NFATC2: variants seen among roughly 807,000 people sequenced by gnomAD.
The protein encoded by NFATC2 is nuclear factor of activated T-cells, cytoplasmic 2.
In NFATC2, 22 loss-of-function variants were observed where a neutral mutation model predicts 87.3. The ratio of observed to expected loss-of-function variants is 0.25; its 90% CI spans 0.18 to 0.36. The LOEUF (loss-of-function observed/expected upper bound fraction) is 0.36. Ranked by LOEUF, NFATC2 falls within the 10% of genes least tolerant of loss-of-function variation. The pLI is 1.00. For missense variants in NFATC2, 1,149 were observed against 1,259.1 expected, an observed-to-expected ratio of 0.91 and a Z score of 1.32; for synonymous variants, 565 against 542.2, an observed-to-expected ratio of 1.04 and a Z score of -0.58.
intron 9 of NFATC2, among the ~76,000 whole-genome samples, chr20:51,407,316 C>A (rs1247210425): frequency 6.6e-6 from 1 of 152,172 alleles, no homozygotes; most frequent in Non-Finnish European, 1.5e-5. Context: ...CACTTGGCAC[C>A]CCCAGTTTTA....
At chr20:51,547,235 C>T (rs994603817), upstream of NFATC2, among the ~76,000 whole-genome samples, 3 of 151,934 alleles carry the variant, frequency 2.0e-5, no homozygotes, top group Non-Finnish European at 2.9e-5. Context: ...ATAATGGGGG[C>T]GTAGACTACA....
upstream of NFATC2, among the ~76,000 whole-genome samples, chr20:51,546,828 T>G (rs1412471143): frequency 1.3e-5 from 2 of 152,150 alleles, no homozygotes; most frequent in African/African-American, 4.8e-5. Context: ...GAGGCGATGT[T>G]TAAGCTGGGA....
In NFATC2 at chr20:51,523,430, G is replaced by A. The variant is rs1340389038; in HGVS notation, c.811C>T (p.Arg271Cys). ...VALPPGASPQRSRSPSPQPSS... is the reference protein window; with the variant it reads ...VALPPGASPQCSRSPSPQPSS... ...GGCTGCGGCGAGGGGCTCCGGGAGCGCTGGGGTGAGGCTCCGGGCGGCAGG... is the reference window on the plus strand; with the variant it reads ...GGCTGCGGCGAGGGGCTCCGGGAGCACTGGGGTGAGGCTCCGGGCGGCAGG... Residue 271 changes from arginine to cysteine, a missense_variant, in exon 2 of 11, where the codon CGC (arginine) becomes TGC (cysteine). Arg to Cys is a radical substitution (Grantham distance 180, BLOSUM62 -3). Transcript: ENST00000371564. This position sits in a 1 kb window ranked among gnomAD's most constrained non-coding sequence, Gnocchi z 6.9. The A allele has an allele frequency of 5.6e-6, 9 of 1,608,288 alleles. No homozygotes were observed. In the African/African-American group the frequency reaches 1.1e-4, roughly 19 times the overall value.
intron 3 of NFATC2, among the ~76,000 whole-genome samples, chr20:51,478,044 T>C (rs985548948): frequency 6.6e-6 from 1 of 152,124 alleles, no homozygotes; most frequent in African/African-American, 2.4e-5. Flanking sequence ...TCTAGAAAGA[T>C]GGCATGCTCA....
At chr20:51,398,582 A>C (rs1479124302) in intron 10 of NFATC2, 61 bp downstream of exon 10, 1 of 1,198,920 alleles carries the variant, frequency 8.3e-7, no homozygotes, top group East Asian at 2.5e-5. Context: ...AAAAAAAAAA[A>C]ATTCAAGTTA....
Position 51,480,092 on chromosome 20 carries a change from A to C in NFATC2, c.1333-4432T>G, listed in dbSNP as rs1989106554. Among the ~76,000 whole-genome samples the C allele has an allele frequency of 6.6e-6, 1 of 152,032 alleles. No homozygotes were observed. Among genetic ancestry groups the C allele is most frequent in the South Asian group, 2.1e-4 (1 of 4,820 alleles). On this transcript the variant is annotated intron_variant, in intron 3 of 10. Transcript: ENST00000371564. The surrounding 1 kb of genome is among the most constrained non-coding windows in gnomAD (Gnocchi z 4.2). ...CACTTGACGTCAGGAGTTCAAGACC[A>C]GCCCGGGCAACATGGTGAAACCCCG...
upstream of NFATC2, among the ~76,000 whole-genome samples, chr20:51,543,217 A>C (rs546528774): frequency 6.6e-6 from 1 of 152,312 alleles, no homozygotes; most frequent in Admixed American, 6.5e-5. Context: ...TCGGACTGAC[A>C]GCACTAGTCC....
chr20:51,471,879 G>A (rs112860234), intron 5 of NFATC2, among the ~76,000 whole-genome samples: 7 of 152,148 alleles, frequency 4.6e-5, no homozygotes, highest in Admixed American at 1.3e-4. Flanking sequence ...GATTTCCAGC[G>A]CCAGCTGATG....
At chr20:51,497,901 A>G (rs1276784476) in intron 3 of NFATC2, among the ~76,000 whole-genome samples, 2 of 152,214 alleles carry the variant, frequency 1.3e-5, no homozygotes, top group African/African-American at 4.8e-5. Context: ...GGGGGAACTC[A>G]GAGCTCAAAA....
rs1251603772 is a variant in NFATC2, at chr20:51,493,362, G to A, written c.1333-17702C>T. 5.9e-5 allele frequency among the ~76,000 whole-genome samples: 9 copies of A among 152,178 alleles called. No individual in the cohort carries two copies. In the East Asian group the frequency reaches 1.4e-3, roughly 23 times the overall value. On this transcript the variant is annotated intron_variant, in intron 3 of 10. Transcript: ENST00000371564. The stretch of plus-strand genomic sequence containing the variant: ...CCTTCATCTTGTTGTAATTCTTGTC[G>A]TTTTCTCATGGGGCTGTTATGGGCA...
rs376937921 is a variant in NFATC2, at chr20:51,523,306, G to C, written c.935C>G (p.Thr312Arg). The change falls in exon 2 of 11, where the codon ACG becomes AGG. Residue 312 changes from threonine to arginine, a missense_variant. Thr to Arg is a moderately conservative substitution (Grantham distance 71, BLOSUM62 -1). This residue lies in a region of NFATC2 where 563 missense variants were observed against 585.2 expected (regional missense o/e 0.96). Transcript: ENST00000371564. The surrounding 1 kb of genome is among the most constrained non-coding windows in gnomAD (Gnocchi z 6.9). ...GGGGGGGATCCCACAAGGCGAGTCC[G>C]TGGCGAGGCTGTTCAGGGCATCCAT... ...VIMDALNSLA[T>R]DSPCGIPPKM... is the part of the protein sequence containing the mutation. 9.3e-6 allele frequency: 15 copies of C among 1,613,750 alleles called. No individual in the cohort carries two copies. Among genetic ancestry groups the C allele is most frequent in the Non-Finnish European group, 1.3e-5 (15 of 1,179,804 alleles).
intron 8 of NFATC2, among the ~76,000 whole-genome samples, chr20:51,434,585 T>C (rs748381257): frequency 3.3e-5 from 5 of 152,218 alleles, no homozygotes; most frequent in Non-Finnish European, 7.3e-5. Flanking sequence ...CAGTTCCACA[T>C]GGACAGGGAT....
Position 51,429,990 on chromosome 20 carries a change from A to C in NFATC2, c.2722+2077T>G, listed in dbSNP as rs139668749. 9.9e-5 allele frequency among the ~76,000 whole-genome samples: 15 copies of C among 152,242 alleles called. 1 individual carries two copies. In the East Asian group the frequency reaches 2.9e-3, roughly 29 times the overall value. Reference sequence around the variant, plus strand: ...GAGGCCCAAAAGGGTCTCGGTGCTCAGCTGCTTTCTCTGTAACATAAGCTT... The same window carrying C: ...GAGGCCCAAAAGGGTCTCGGTGCTCCGCTGCTTTCTCTGTAACATAAGCTT... On this transcript the variant is annotated intron_variant, in intron 9 of 10. Transcript: ENST00000371564.
rs748428744 is a variant in NFATC2, at chr20:51,524,104, G to A, written c.137C>T (p.Pro46Leu). The A allele has an allele frequency of 2.7e-6, 4 of 1,458,032 alleles. No individual in the cohort carries two copies. The highest frequency in any genetic ancestry group is 2.7e-5 in the Admixed American group (1 of 36,646). 90.3% of individuals were successfully genotyped at this position (1,458,032 alleles called of 1,614,324 possible). A position where few individuals can be genotyped will look rare whatever the true frequency, so the allele number is the denominator to read the frequency against. The change falls in exon 2 of 11, where the codon CCG (proline) becomes CTG (leucine). Residue 46 changes from proline to leucine, a missense_variant. Pro to Leu is a moderately conservative substitution (Grantham distance 98). Coordinates refer to ENST00000371564, the MANE Select transcript of NFATC2 (RefSeq NM_012340.5). The surrounding 1 kb of genome is among the most constrained non-coding windows in gnomAD (Gnocchi z 4.0). ...TGGGCTGGCGACCTTATGTGCATTCGGCTCTTCTGGAAAGAGAAGGGGGAA... is the reference window on the plus strand; with the variant it reads ...TGGGCTGGCGACCTTATGTGCATTCAGCTCTTCTGGAAAGAGAAGGGGGAA... ...YEYLNPNEEE[P>L]NAHKVASPPS...
intron 10 of NFATC2, among the ~76,000 whole-genome samples, chr20:51,397,258 CACTT>C (rs1987302257): frequency 6.6e-6 from 1 of 152,326 alleles, no homozygotes; most frequent in African/African-American, 2.4e-5. Context: ...CTCTGCTTTA[CACTT>C]ACTAAGTAAC....
chr20:51,549,262 T>TTTTG (rs60791870), intron 1 of NFATC2, among the ~76,000 whole-genome samples: 50 of 151,508 alleles, frequency 3.3e-4, no homozygotes, highest in Non-Finnish European at 4.6e-4. Context: ...TTTTTGGTTT[T>TTTTG]TTTGTTTGTT....
At chr20:51,441,099 G>T (rs228828) in intron 6 of NFATC2, among the ~76,000 whole-genome samples, 1 of 151,898 alleles carries the variant, frequency 6.6e-6, no homozygotes, top group Non-Finnish European at 1.5e-5. Context: ...CCTGGCCAAC[G>T]TGGCGAAACC....
At chr20:51,542,141 C>T (rs764073430) in intron 1 of NFATC2, among the ~76,000 whole-genome samples, 12 of 152,174 alleles carry the variant, frequency 7.9e-5, no homozygotes, top group Non-Finnish European at 1.3e-4. Flanking sequence ...AGGGAGCAGT[C>T]ATGAGCAACC....
intron 3 of NFATC2, among the ~76,000 whole-genome samples, chr20:51,477,388 TGGA>T (rs1988802603): frequency 1.3e-5 from 2 of 151,774 alleles, no homozygotes; most frequent in Admixed American, 1.3e-4. Flanking sequence ...CCTCTGTGAA[TGGA>T]GAAGAAGCTC....
Sources: gnomAD v4.1 joint callset for allele counts (sites outside exome capture counted in the v4.1 genomes callset) on GRCh38, gnomAD v4.1.1 for gene constraint, gnomAD v4.1.1 regional missense constraint, Gnocchi (gnomAD v3.1) non-coding constraint, MANE v1.5 for transcripts, NCBI Gene and HGNC (gene_info 2026-07-23, HGNC 2026-07-21) for gene names.